The following FRMPD1 variants were observed in gnomAD, a reference collection of about 807,000 sequenced individuals.
FRMPD1 encodes FERM and PDZ domain containing 1.
In FRMPD1, 76 loss-of-function variants were observed where a neutral mutation model predicts 117.8. The ratio of observed to expected loss-of-function variants is 0.65; its 90% CI spans 0.54 to 0.78. The LOEUF (loss-of-function observed/expected upper bound fraction) is 0.78, where lower values mean the gene tolerates loss of function less well. Among genes scored for constraint, FRMPD1 ranks in the 30% least tolerant of loss-of-function variants. FRMPD1 has a pLI of 0.00. For missense variants in FRMPD1, 1,786 were observed against 1,964.5 expected (o/e 0.91, Z 1.72); for synonymous variants, 783 against 770.4 (o/e 1.02, Z -0.27).
chr9:37,716,013 T>A lies in FRMPD1; in HGVS notation c.409-3056T>A, dbSNP rs142320285. Among the ~76,000 whole-genome samples, 295 of 152,312 alleles carry A rather than the reference T, an allele frequency of 1.9e-3. 1 individual carries two copies. Among genetic ancestry groups the A allele is most frequent in the African/African-American group, 6.7e-3 (279 of 41,572 alleles). ...GGGTTTTCCTGAATTTTCACTTCTC[T>A]GAGAGCTTTCGGGACAAGAGTCCAA... On this transcript the variant is annotated intron_variant, in intron 5 of 15. Coordinates refer to ENST00000377765, the MANE Select transcript of FRMPD1 (RefSeq NM_014907.3).
the FRMPD1 span, among the ~76,000 whole-genome samples, chr9:37,628,007 C>T: frequency 2.6e-5 from 4 of 152,136 alleles, no homozygotes; most frequent in South Asian, 2.1e-4. Context: ...TGACTTATAA[C>T]GGCACATTTA....
chr9:37,653,827 G>A lies in FRMPD1; in HGVS notation c.-5+2733G>A, dbSNP rs189381432. On this transcript the variant is annotated intron_variant, in intron 1 of 15. Coordinates refer to ENST00000377765, the MANE Select transcript of FRMPD1 (RefSeq NM_014907.3). ...CAAATTAGCTGGGTGTAGTGGGTGT[G>A]CACCTGTGGTCCCAGCTACTTGGGA... Among the ~76,000 whole-genome samples the A allele has an allele frequency of 1.8e-3, 278 of 152,258 alleles. 1 individual carries two copies. The highest frequency in any genetic ancestry group is 1.7e-3 in the Non-Finnish European group (114 of 68,006).
chr9:37,737,428 T>G (rs1001274591), intron 14 of FRMPD1, among the ~76,000 whole-genome samples, 185 bp downstream of exon 14: 2 of 152,202 alleles, frequency 1.3e-5, no homozygotes, highest in African/African-American at 4.8e-5. Flanking sequence ...CAAAGAAGCT[T>G]TCTTTGTATC....
intron 1 of FRMPD1, among the ~76,000 whole-genome samples, chr9:37,661,156 T>TGTGACATGGC (rs1820992510): frequency 6.6e-6 from 1 of 152,206 alleles, no homozygotes; most frequent in African/African-American, 2.4e-5. Flanking sequence ...CCTGTTGTTC[T>TGTGACATGGC]GTGACATGGC....
intron 1 of FRMPD1, among the ~76,000 whole-genome samples, chr9:37,663,449 C>G (rs1272291925): frequency 6.6e-6 from 1 of 152,126 alleles, no homozygotes; most frequent in Non-Finnish European, 1.5e-5. Context: ...CAGTCTCATC[C>G]TCCAGCCTGT....
In FRMPD1 at chr9:37,744,654, C is replaced by T. The variant is rs1425932181; in HGVS notation, c.2622C>T (p.Tyr874=). 1 of 1,614,110 alleles carries T rather than the reference C, an allele frequency of 6.2e-7. No individual in the cohort carries two copies. Among genetic ancestry groups the T allele is most frequent in the East Asian group, 2.2e-5 (1 of 44,874 alleles). The change falls in exon 16 of 16, where the codon TAC becomes TAT. Residue 874 remains tyrosine, a synonymous_variant. Transcript: ENST00000377765. ...TGTGCTACTATGACAGGGAGCCCTA[C>T]CTGGCCCTTGGTGCACCCTCCCCAA... ...DDVCYYDREP[Y]LALGAPSPTV... is the part of the protein sequence containing the mutation.
rs1460600722 is a variant in FRMPD1 at position 37,740,526 on chromosome 9, C to T, written c.1998C>T (p.Asn666=). The change falls in exon 15 of 16, where the codon AAC becomes AAT. Residue 666 remains asparagine, a synonymous_variant. Coordinates refer to ENST00000377765, the MANE Select transcript of FRMPD1 (RefSeq NM_014907.3). This position sits in a 1 kb window ranked among gnomAD's most constrained non-coding sequence, Gnocchi z 4.2. The part of the protein sequence containing the change: ...LCLLDLAQRA[N]PQCQKTEFSE... ...TCCTGGACCTGGCCCAGAGAGCCAA[C>T]CCCCAGTGCCAGAAGACAGAGTTTT... 13 of 1,614,036 alleles carry T rather than the reference C, an allele frequency of 8.1e-6. No homozygotes were observed. In the Admixed American group the frequency reaches 2.2e-4, roughly 27 times the overall value.
chr9:37,631,724 C>A, the FRMPD1 span, among the ~76,000 whole-genome samples: 1 of 152,194 alleles, frequency 6.6e-6, no homozygotes, highest in African/African-American at 2.4e-5. Context: ...CTGCCTTAGC[C>A]TCCTGAGCAG....
the FRMPD1 span, among the ~76,000 whole-genome samples, chr9:37,635,626 G>A: frequency 2.0e-5 from 3 of 152,336 alleles, no homozygotes; most frequent in Non-Finnish European, 4.4e-5. Context: ...CTGGAGGGCA[G>A]GGCACAGGTG....
intron 2 of FRMPD1, among the ~76,000 whole-genome samples, chr9:37,706,707 T>C (rs1822717231): frequency 6.6e-6 from 1 of 152,198 alleles, no homozygotes; most frequent in Non-Finnish European, 1.5e-5. Context: ...AGATTTTATA[T>C]TGGAAACCTT....
chr9:37,719,082 C>T lies in FRMPD1; in HGVS notation c.422C>T (p.Ser141Leu), dbSNP rs559954392. 11 of 1,607,946 alleles carry T rather than the reference C, an allele frequency of 6.8e-6. No individual in the cohort carries two copies. Among genetic ancestry groups the T allele is most frequent in the African/African-American group, 6.7e-5 (5 of 74,786 alleles). The change falls in exon 6 of 16, where the codon TCG (serine) becomes TTG (leucine). Residue 141 changes from serine (S) to leucine (L), a missense_variant. By Grantham distance (145) the Ser-to-Leu change is moderately radical. Transcript: ENST00000377765. ...ACTGTTTTTCAGGGAGTCCCTAAAT[C>T]GTCCTTCCTGACCGAGGAGAAGAGA... ...VVRCTSGVPK[S>L]SFLTEEKRAR...
intron 2 of FRMPD1, among the ~76,000 whole-genome samples, chr9:37,698,683 G>T (rs1484775532): frequency 2.1e-5 from 3 of 145,062 alleles, no homozygotes; most frequent in African/African-American, 7.7e-5. Context: ...TGCCTCAGTC[G>T]CCCGCGTAGC....
rs1365652960 is a variant in FRMPD1, at chr9:37,744,653, A to C, written c.2621A>C (p.Tyr874Ser). Residue 874 changes from tyrosine to serine, a missense_variant, in exon 16 of 16, where the codon TAC (tyrosine) becomes TCC (serine). Tyr to Ser is a moderately radical substitution (Grantham distance 144, BLOSUM62 -2). Coordinates refer to ENST00000377765, the MANE Select transcript of FRMPD1 (RefSeq NM_014907.3). ...DDVCYYDREP[Y>S]LALGAPSPTV... ...GTGTGCTACTATGACAGGGAGCCCT[A>C]CCTGGCCCTTGGTGCACCCTCCCCA... The C allele has an allele frequency of 6.2e-7, 1 of 1,613,890 alleles. No homozygotes were observed. Among genetic ancestry groups the C allele is most frequent in the Non-Finnish European group, 8.5e-7 (1 of 1,179,984 alleles).
At chr9:37,731,166 T>G (rs1823863401) in intron 9 of FRMPD1, 63 bp downstream of exon 9, 1 of 1,514,426 alleles carries the variant, frequency 6.6e-7, no homozygotes. Context: ...CACTGGGTGA[T>G]TTTGAACGTG....
chr9:37,688,720 A>T (rs981889334), intron 1 of FRMPD1, among the ~76,000 whole-genome samples: 1 of 152,142 alleles, frequency 6.6e-6, no homozygotes, highest in African/African-American at 2.4e-5. Flanking sequence ...ATTTTAAATG[A>T]TGGTGTAAAT....
chr9:37,621,068 G>A, the FRMPD1 span, among the ~76,000 whole-genome samples: 2 of 152,282 alleles, frequency 1.3e-5, no homozygotes, highest in East Asian at 3.9e-4. Flanking sequence ...CGAAATTGAT[G>A]GAGAGGGAAG....
chr9:37,727,784 A>T (rs1328620079), intron 7 of FRMPD1: 1 of 151,840 alleles, frequency 6.6e-6, no homozygotes, highest in Non-Finnish European at 1.5e-5. Context: ...CTTCAGGACT[A>T]GTCACTGGGT....
chr9:37,742,933 G>T (rs1433759719), intron 15 of FRMPD1, among the ~76,000 whole-genome samples: 1 of 152,152 alleles, frequency 6.6e-6, no homozygotes, highest in Admixed American at 6.5e-5. Flanking sequence ...AAACCTTATA[G>T]ATCCCTAGGC....
intron 1 of FRMPD1, among the ~76,000 whole-genome samples, chr9:37,688,367 A>G (rs970689834): frequency 2.6e-5 from 4 of 151,950 alleles, no homozygotes; most frequent in African/African-American, 9.7e-5. Context: ...ATTTTTCAAA[A>G]TATAAATCTT....
Sources: allele counts gnomAD v4.1 joint callset (sites outside exome capture counted in the v4.1 genomes callset), GRCh38; gene constraint gnomAD v4.1.1; non-coding constraint Gnocchi (gnomAD v3.1); transcripts MANE v1.5; gene names NCBI Gene and HGNC (gene_info 2026-07-23, HGNC 2026-07-21).